AAK1: variants seen among roughly 807,000 people sequenced by gnomAD.
The protein encoded by AAK1 is AP2 associated kinase 1.
Under a neutral mutation model 116.0 loss-of-function variants are expected in AAK1, and 37 were observed. That is an observed-to-expected ratio of 0.32 (90% CI 0.25 to 0.42). The LOEUF (loss-of-function observed/expected upper bound fraction) is 0.42. Among genes scored for constraint, AAK1 ranks in the 10% least tolerant of loss-of-function variants. The pLI is 1.00. For synonymous variants in AAK1, 458 were observed against 439.9 expected (o/e 1.04, Z -0.51); for missense variants, 919 against 1,170.6 (o/e 0.79, Z 3.14).
chr2:69,465,692 G>A lies in AAK1; in HGVS notation c.*10177C>T, dbSNP rs1674463665. The stretch of plus-strand genomic sequence containing the variant: ...TGGGGCCTGAGACAGCTTCTTTCTG[G>A]AGCTGAGGTCCTTTGTTTCTGTCAT... On this transcript the variant is annotated 3_prime_UTR_variant, in exon 22 of 22. Transcript: ENST00000409085. 7.7e-7 allele frequency: 1 copy of A among 1,290,918 alleles called. No homozygotes were observed. The highest frequency in any genetic ancestry group is 2.3e-5 in the Admixed American group (1 of 43,556). The allele number at this position is 1,290,918 out of a possible 1,614,324, so 80.0% of individuals were successfully genotyped here. A position where few individuals can be genotyped will look rare whatever the true frequency, so the allele number is the denominator to read the frequency against.
At chr2:69,483,479 T>A (rs895066603) in intron 17 of AAK1, among the ~76,000 whole-genome samples, 6 of 152,260 alleles carry the variant, frequency 3.9e-5, no homozygotes, top group African/African-American at 1.4e-4. Context: ...ATTCACCAAC[T>A]GAACATTTGG....
At chr2:69,538,257 G>T (rs1670560558) in intron 5 of AAK1, among the ~76,000 whole-genome samples, 1 of 152,254 alleles carries the variant, frequency 6.6e-6, no homozygotes, top group South Asian at 2.1e-4. Context: ...CTGGGGAAAT[G>T]AAGTCTGGTA....
intron 2 of AAK1, among the ~76,000 whole-genome samples, chr2:69,601,073 C>T (rs1236209685): frequency 6.6e-6 from 1 of 152,170 alleles, no homozygotes; most frequent in Non-Finnish European, 1.5e-5. Flanking sequence ...ACTTAGTAGA[C>T]TATAGTATAG....
intron 2 of AAK1, among the ~76,000 whole-genome samples, chr2:69,628,550 C>CT (rs1352357870): frequency 1.3e-5 from 2 of 152,146 alleles, no homozygotes; most frequent in Non-Finnish European, 2.9e-5. Context: ...CATTTGTGTT[C>CT]TGTGAGCTAA....
chr2:69,496,438 A>G (rs1675749261), intron 16 of AAK1, among the ~76,000 whole-genome samples: 1 of 151,986 alleles, frequency 6.6e-6, no homozygotes, highest in African/African-American at 2.4e-5. Context: ...TAATTTTTGT[A>G]TTTTTAATAA....
At chr2:69,496,197 G>C (rs1675734580) in intron 16 of AAK1, 117 bp from the exon 17 acceptor site, 1 of 638,980 alleles carries the variant, frequency 1.6e-6, no homozygotes, top group South Asian at 1.8e-5. Context: ...AAACTACAGA[G>C]TAAGTCTAAG....
At chr2:69,496,851 T>C (rs554041240) in intron 16 of AAK1, among the ~76,000 whole-genome samples, 1 of 152,294 alleles carries the variant, frequency 6.6e-6, no homozygotes, top group East Asian at 1.9e-4. Context: ...AATATAGTGA[T>C]AGGCAGACAC....
intron 2 of AAK1, among the ~76,000 whole-genome samples, chr2:69,579,486 G>A (rs1354241319): frequency 6.6e-6 from 1 of 152,200 alleles, no homozygotes; most frequent in South Asian, 2.1e-4. Context: ...GACTGAGGTG[G>A]GAGGATTGCT....
chr2:69,545,005 T>C (rs1670867201), intron 3 of AAK1, among the ~76,000 whole-genome samples: 1 of 152,178 alleles, frequency 6.6e-6, no homozygotes, highest in Non-Finnish European at 1.5e-5. Context: ...TTCGTACTGT[T>C]TTTTTCCTTT....
At chr2:69,522,073 T>C (rs1669810064) in intron 10 of AAK1, among the ~76,000 whole-genome samples, 1 of 152,226 alleles carries the variant, frequency 6.6e-6, no homozygotes, top group African/African-American at 2.4e-5. Context: ...GACTGCTTGC[T>C]CCCTGTGAGG....
In AAK1 at chr2:69,461,414, G is replaced by A; in HGVS notation, c.*14455C>T. ...TTTTTTTTTCTCTTTAAGGAAATAA[G>A]ACCCTACTGTAATACAAGTCGGCAG... On this transcript the variant is annotated 3_prime_UTR_variant, in exon 22 of 22. Transcript: ENST00000409085. 4.5e-6 allele frequency: 1 copy of A among 223,666 alleles called. No individual in the cohort carries two copies. Among genetic ancestry groups the A allele is most frequent in the South Asian group, 4.3e-5 (1 of 23,466 alleles). 13.9% of individuals were successfully genotyped at this position (223,666 alleles called of 1,614,324 possible).
At chr2:69,609,884 C>T (rs903058267) in intron 2 of AAK1, among the ~76,000 whole-genome samples, 2 of 151,502 alleles carry the variant, frequency 1.3e-5, no homozygotes, top group Non-Finnish European at 2.9e-5. Flanking sequence ...CCCATCTCTA[C>T]TAAAAAATAC....
chr2:69,612,950 A>G (rs1267856597), intron 2 of AAK1, among the ~76,000 whole-genome samples: 1 of 152,228 alleles, frequency 6.6e-6, no homozygotes, highest in African/African-American at 2.4e-5. Flanking sequence ...CTTAGGGGAA[A>G]GCAGCATTTT....
chr2:69,594,030 T>C (rs1450846934), intron 2 of AAK1, among the ~76,000 whole-genome samples: 1 of 152,174 alleles, frequency 6.6e-6, no homozygotes, highest in Non-Finnish European at 1.5e-5. Context: ...TAAGAACTCA[T>C]TAATAAAAAC....
chr2:69,597,992 A>C (rs1673375954), intron 2 of AAK1: 19 of 329,356 alleles, frequency 5.8e-5, no homozygotes, highest in South Asian at 1.5e-4. Flanking sequence ...GGTGGAGATA[A>C]GAGATTCTTA....
intron 2 of AAK1, among the ~76,000 whole-genome samples, chr2:69,584,895 C>T (rs1317694787): frequency 2.0e-5 from 3 of 152,172 alleles, no homozygotes; most frequent in Non-Finnish European, 4.4e-5. Context: ...CTAGAGCTTT[C>T]CACACTCTAA....
At chr2:69,542,140 T>C (rs894921527) in intron 5 of AAK1, among the ~76,000 whole-genome samples, 3 of 152,118 alleles carry the variant, frequency 2.0e-5, no homozygotes, top group African/African-American at 7.2e-5. Flanking sequence ...ATTAGGACAA[T>C]TAAAAAAAAT....
At chr2:69,606,753 A>C (rs1170607473) in intron 2 of AAK1, among the ~76,000 whole-genome samples, 1 of 152,184 alleles carries the variant, frequency 6.6e-6, no homozygotes, top group East Asian at 1.9e-4. Context: ...CAGGCCATAA[A>C]ATAAATACAT....
At chr2:69,602,679 C>A (rs1673630789) in intron 2 of AAK1, among the ~76,000 whole-genome samples, 1 of 152,158 alleles carries the variant, frequency 6.6e-6, no homozygotes, top group South Asian at 2.1e-4. Flanking sequence ...CACAGAGACT[C>A]AGGGTTCCAA....
Sources: gnomAD v4.1 joint callset for allele counts (sites outside exome capture counted in the v4.1 genomes callset) on GRCh38, gnomAD v4.1.1 for gene constraint, MANE v1.5 for transcripts, NCBI Gene and HGNC (gene_info 2026-07-23, HGNC 2026-07-21) for gene names.